AKT3: variants seen among roughly 807,000 people sequenced by gnomAD.
The protein encoded by AKT3 is RAC-gamma serine/threonine-protein kinase.
A neutral mutation model predicts 65.3 loss-of-function variants in AKT3; 15 were observed. The ratio of observed to expected loss-of-function variants is 0.23; its 90% CI spans 0.15 to 0.35. The LOEUF is 0.35. Ranked by LOEUF, AKT3 falls within the 10% of genes least tolerant of loss-of-function variation. The probability of loss-of-function intolerance (pLI) is 1.00; values close to 1 mark genes in which losing one functional copy is unlikely to be tolerated. For synonymous variants in AKT3, 206 were observed against 183.8 expected, an observed-to-expected ratio of 1.12 and a Z score of -0.98; for missense variants, 243 against 576.5, an observed-to-expected ratio of 0.42 and a Z score of 5.92.
At chr1:243,588,313 C>G (rs1053088361) in intron 8 of AKT3, among the ~76,000 whole-genome samples, 1 of 152,108 alleles carries the variant, frequency 6.6e-6, no homozygotes, top group Non-Finnish European at 1.5e-5. Flanking sequence ...TCTTAGAGCT[C>G]ACGCAGAGCT....
Position 243,552,783 on chromosome 1 carries a change from G to T in AKT3, c.1109C>A (p.Ser370Tyr). The T allele has an allele frequency of 2.5e-6, 4 of 1,613,978 alleles. No individual in the cohort carries two copies. The highest frequency in any genetic ancestry group is 3.4e-6 in the Non-Finnish European group (4 of 1,179,958). The change falls in exon 11 of 14, where the codon TCT becomes TAT. Residue 370 changes from serine to tyrosine, a missense_variant. Transcript: ENST00000673466. ...TGAAAGCAATGATTTTGCATCTGAA[G>T]AGAGTGTTCGAGGAAATTTAATGTC... ...MEDIKFPRTL[S>Y]SDAKSLLSGL...
At chr1:243,494,949 C>T (rs1236837484), downstream of AKT3, among the ~76,000 whole-genome samples, 3 of 152,228 alleles carry the variant, frequency 2.0e-5, no homozygotes, top group Admixed American at 2.0e-4. Context: ...CACTTTCAAA[C>T]ATGAGGCAGC....
intron 2 of AKT3, among the ~76,000 whole-genome samples, chr1:243,842,169 T>C (rs560463029): frequency 1.3e-5 from 2 of 152,326 alleles, no homozygotes; most frequent in East Asian, 3.9e-4. Context: ...TACGACTTAA[T>C]AAGGCTCATT....
At chr1:243,547,632 G>A (rs555473261) in intron 11 of AKT3, among the ~76,000 whole-genome samples, 57 of 152,044 alleles carry the variant, frequency 3.7e-4, no homozygotes, top group Non-Finnish European at 6.6e-4. Context: ...CATCAGTTTC[G>A]CACCATCATA....
intron 2 of AKT3, among the ~76,000 whole-genome samples, chr1:243,731,586 C>T (rs532434112): frequency 1.3e-5 from 2 of 152,298 alleles, no homozygotes; most frequent in Admixed American, 6.5e-5. Context: ...TTTAAACCCT[C>T]TTTATCCAAA....
intron 2 of AKT3, among the ~76,000 whole-genome samples, chr1:243,785,548 T>C (rs890771056): frequency 1.3e-5 from 2 of 152,200 alleles, no homozygotes; most frequent in Admixed American, 6.5e-5. Flanking sequence ...ACTGAATTTG[T>C]GAAAACCTCT....
chr1:243,774,350 T>A (rs890654117), intron 2 of AKT3, among the ~76,000 whole-genome samples: 2 of 152,208 alleles, frequency 1.3e-5, no homozygotes, highest in Non-Finnish European at 2.9e-5. Context: ...CAATACTGCT[T>A]TGTGTATAAA....
chr1:243,827,310 C>T (rs1226104210), intron 2 of AKT3, among the ~76,000 whole-genome samples: 1 of 152,176 alleles, frequency 6.6e-6, no homozygotes, highest in Admixed American at 6.5e-5. Context: ...CTCCATTCCA[C>T]TTCTCATAAA....
chr1:243,742,722 C>CT (rs1156666874), intron 2 of AKT3, among the ~76,000 whole-genome samples: 1 of 152,096 alleles, frequency 6.6e-6, no homozygotes, highest in Non-Finnish European at 1.5e-5. Context: ...AACGTTTGTC[C>CT]TTTTTCATTT....
chr1:243,545,267 A>C (rs891242122), intron 12 of AKT3, among the ~76,000 whole-genome samples: 3 of 152,182 alleles, frequency 2.0e-5, no homozygotes, highest in Non-Finnish European at 4.4e-5. Flanking sequence ...AGGCAAACAA[A>C]TTATTATGGG....
rs746971514 is a variant in AKT3 at position 243,577,411 on chromosome 1, C to T, written c.697-4363G>A. Among the ~76,000 whole-genome samples, 3 of 152,044 alleles carry T rather than the reference C, an allele frequency of 2.0e-5. No homozygotes were observed. The South Asian group carries it at 6.2e-4, about 31-fold the overall frequency. On this transcript the variant is annotated intron_variant, in intron 8 of 13. Transcript: ENST00000673466. ...ATCTGCCCACTTCAGCCTCTCAAAG[C>T]GCTGGGATTACAGGCATGAGCCACT...
intron 3 of AKT3, among the ~76,000 whole-genome samples, chr1:243,676,748 AT>A (rs1247848519): frequency 2.0e-5 from 3 of 152,062 alleles, no homozygotes; most frequent in African/African-American, 7.2e-5. Flanking sequence ...AGCCACCAAC[AT>A]TCATGTTAAC....
At chr1:243,687,928 T>G (rs1684438373) in intron 3 of AKT3, 1 of 152,216 alleles carries the variant, frequency 6.6e-6, no homozygotes, top group East Asian at 1.9e-4. Context: ...AATTCACTTC[T>G]TAAGATAAGG....
chr1:243,731,863 G>A (rs535632750), intron 2 of AKT3, among the ~76,000 whole-genome samples: 7 of 152,112 alleles, frequency 4.6e-5, no homozygotes, highest in East Asian at 1.9e-4. Context: ...CTTTGAAGAG[G>A]ATAAAATGAA....
Position 243,701,463 on chromosome 1 carries a change from A to T in AKT3, c.47-5747T>A, listed in dbSNP as rs768980762. Among the ~76,000 whole-genome samples the T allele has an allele frequency of 1.8e-3, 270 of 152,308 alleles. 6 individuals carry two copies. The highest frequency in any genetic ancestry group is 1.9e-3 in the East Asian group (10 of 5,182). On this transcript the variant is annotated intron_variant, in intron 2 of 13. Transcript: ENST00000673466. ...ACCTTCAACTGTCATGGACTATGCT[A>T]AAAACACAATCGGGTAGATTCACTG...
At chr1:243,808,847 G>A (rs1430976189) in intron 2 of AKT3, among the ~76,000 whole-genome samples, 3 of 152,196 alleles carry the variant, frequency 2.0e-5, no homozygotes, top group South Asian at 2.1e-4. Context: ...CAGAAACTCT[G>A]TAAGCCAGAA....
At chr1:243,496,279 C>G (rs900320870), downstream of AKT3, among the ~76,000 whole-genome samples, 7 of 152,192 alleles carry the variant, frequency 4.6e-5, no homozygotes, top group Non-Finnish European at 8.8e-5. Flanking sequence ...GCGGGCGGAG[C>G]CGGGCCTGGC....
intron 8 of AKT3, among the ~76,000 whole-genome samples, chr1:243,594,755 T>A (rs924789122): frequency 1.3e-5 from 2 of 152,124 alleles, no homozygotes; most frequent in Non-Finnish European, 2.9e-5. Flanking sequence ...TTAAATTTTT[T>A]ATTTTGTAGA....
chr1:243,836,290 G>A (rs1036962231), intron 2 of AKT3, among the ~76,000 whole-genome samples: 2 of 151,978 alleles, frequency 1.3e-5, no homozygotes, highest in Middle Eastern at 3.4e-3. Flanking sequence ...TGTCACTTGA[G>A]AAAAAGGTGA....
Sources: gnomAD v4.1 joint callset for allele counts (sites outside exome capture counted in the v4.1 genomes callset) on GRCh38, gnomAD v4.1.1 for gene constraint, MANE v1.5 for transcripts, NCBI Gene and HGNC (gene_info 2026-07-23, HGNC 2026-07-21) for gene names.